The following SCAMP4 variants were observed in gnomAD, a reference collection of about 807,000 sequenced individuals.
SCAMP4 encodes secretory carrier-associated membrane protein 4.
Under a neutral mutation model 32.1 loss-of-function variants are expected in SCAMP4, and 19 were observed. The observed-to-expected ratio is 0.59, with a 90% CI of 0.41 to 0.87. The LOEUF (loss-of-function observed/expected upper bound fraction) is 0.87. SCAMP4 is among the 40% of genes least tolerant of loss of function. SCAMP4 has a pLI of 0.00. For synonymous variants in SCAMP4, 152 were observed against 132.7 expected, an observed-to-expected ratio of 1.15 and a Z score of -1.00; for missense variants, 302 against 309.0, an observed-to-expected ratio of 0.98 and a Z score of 0.17.
intron 5 of SCAMP4, chr19:1,920,108 G>C: frequency 1.0e-6 from 1 of 985,194 alleles, no homozygotes; most frequent in Non-Finnish European, 1.2e-6. Context: ...ACTGTGCCTG[G>C]CCAAATTTGT....
intron 1 of SCAMP4, 57 bp downstream of exon 1, chr19:1,905,496 G>A: frequency 2.3e-6 from 1 of 432,024 alleles, no homozygotes; most frequent in South Asian, 1.6e-5. Flanking sequence ...CCCAGAGGGG[G>A]AGTAGGGGCT....
At chr19:1,922,543 G>A (rs2013952683) in intron 5 of SCAMP4, 1 of 985,390 alleles carries the variant, frequency 1.0e-6, no homozygotes, top group Non-Finnish European at 1.2e-6. Flanking sequence ...CCTCCTCATT[G>A]TTTCTAATGG....
At position 1,918,191 on chromosome 19, in the gene SCAMP4, G is replaced by A. The variant is rs201850584; in HGVS notation, c.201G>A (p.Ser67=). 325 of 1,612,528 alleles carry A rather than the reference G, an allele frequency of 2.0e-4. 2 individuals carry two copies. In the African/African-American group the frequency reaches 3.4e-3, roughly 17 times the overall value. The change falls in exon 4 of 7, where the codon TCG becomes TCA. Residue 67 remains serine (S), a synonymous_variant. Transcript: ENST00000316097. ...TGGCCTGGTGGATCGGCGGAGGCTC[G>A]GGGACCAACTTCGGCCTGGCCTTCG... ...ACLAWWIGGG[S]GTNFGLAFVW...
intron 4 of SCAMP4, 21 bp from the exon 5 acceptor site, chr19:1,918,868 G>T: frequency 6.3e-7 from 1 of 1,587,878 alleles, no homozygotes; most frequent in Non-Finnish European, 8.6e-7. Flanking sequence ...GGTAACCGTC[G>T]TGTTTTCTGT....
intron 1 of SCAMP4, among the ~76,000 whole-genome samples, chr19:1,913,788 A>G (rs1332158301): frequency 2.0e-5 from 3 of 152,256 alleles, no homozygotes; most frequent in African/African-American, 4.8e-5. Context: ...AGTGAGGACT[A>G]GAGCCGTTTT....
intron 5 of SCAMP4, chr19:1,922,568 C>T (rs1180645921): frequency 1.0e-6 from 1 of 985,348 alleles, no homozygotes; most frequent in African/African-American, 1.7e-5. Flanking sequence ...TCAGTGCCCA[C>T]CGGGTGATGG....
intron 5 of SCAMP4, chr19:1,919,619 C>G (rs1189297233): frequency 4.2e-6 from 1 of 240,762 alleles, no homozygotes; most frequent in African/African-American, 2.3e-5. Flanking sequence ...GCCTCAGCCT[C>G]CCGAGTAGCT....
Position 1,924,426 on chromosome 19 carries a change from C to T in SCAMP4, c.*142C>T. On this transcript the variant is annotated 3_prime_UTR_variant, in exon 7 of 7. Coordinates refer to ENST00000316097, the MANE Select transcript of SCAMP4 (RefSeq NM_079834.4). ...AGCCGGTGGTGGCCACGGACCGCCC[C>T]CCTCCTGCCAGGGCCACAGAACCCG... 2 of 686,660 alleles carry T rather than the reference C, an allele frequency of 2.9e-6. No individual in the cohort carries two copies. The highest frequency in any genetic ancestry group is 4.9e-6 in the Non-Finnish European group (2 of 405,148). The allele number at this position is 686,660 out of a possible 1,614,324, so 42.5% of individuals were successfully genotyped here. A position where few individuals can be genotyped will look rare whatever the true frequency, so the allele number is the denominator to read the frequency against.
intron 5 of SCAMP4, chr19:1,919,435 G>T (rs1370795818): frequency 8.1e-6 from 8 of 985,064 alleles, no homozygotes; most frequent in Non-Finnish European, 9.6e-6. Flanking sequence ...ACTCTCTAAG[G>T]CTGCCAGGTG....
At chr19:1,917,580 C>G (rs1176469531) in intron 2 of SCAMP4, 114 bp from the exon 3 acceptor site, 1 of 1,184,762 alleles carries the variant, frequency 8.4e-7, no homozygotes, top group Admixed American at 2.1e-5. Context: ...TCAATCCCAA[C>G]TGCAGAGTCC....
At chr19:1,922,502 T>G (rs1250987392) in intron 5 of SCAMP4, 5 of 979,640 alleles carry the variant, frequency 5.1e-6, no homozygotes, top group Non-Finnish European at 6.1e-6. Context: ...CCCAAAGTGC[T>G]GGGACGACAG....
chr19:1,914,919 T>G (rs1599246760), intron 1 of SCAMP4, 60 bp from the exon 2 acceptor site: 1 of 1,392,976 alleles, frequency 7.2e-7, no homozygotes, highest in Non-Finnish European at 1.0e-6. Flanking sequence ...GGTGGGTGGG[T>G]GGTTAGCGCT....
chr19:1,920,047 G>A (rs2013870080), intron 5 of SCAMP4: 1 of 648,576 alleles, frequency 1.5e-6, no homozygotes, highest in Non-Finnish European at 1.9e-6. Context: ...TCCTAACCTC[G>A]TGATCCACCC....
intron 1 of SCAMP4, chr19:1,912,008 C>T (rs964469513): frequency 2.6e-5 from 37 of 1,415,164 alleles, no homozygotes; most frequent in Non-Finnish European, 3.1e-5. Context: ...CCTCCCGGGA[C>T]GGACTCCCCG....
chr19:1,913,004 C>T (rs1287302543), intron 1 of SCAMP4: 4 of 1,607,898 alleles, frequency 2.5e-6, no homozygotes, highest in Admixed American at 3.3e-5. Flanking sequence ...ACGCACGCAT[C>T]CTGCGCGTCT....
At chr19:1,923,486 C>G (rs996612183) in intron 6 of SCAMP4, among the ~76,000 whole-genome samples, 5 of 152,216 alleles carry the variant, frequency 3.3e-5, no homozygotes, top group Non-Finnish European at 7.3e-5. Flanking sequence ...GCAGGAACAG[C>G]TGAGGCCCTG....
rs182122279 is a variant in SCAMP4 at position 1,916,136 on chromosome 19, G to A, written c.7+1110G>A. Among the ~76,000 whole-genome samples, 750 of 151,832 alleles carry A rather than the reference G, an allele frequency of 4.9e-3. 20 individuals are homozygous for A. Among genetic ancestry groups the A allele is most frequent in the Admixed American group, 0.046 (693 of 15,226 alleles). On this transcript the variant is annotated intron_variant, in intron 2 of 6. Coordinates refer to ENST00000316097, the MANE Select transcript of SCAMP4 (RefSeq NM_079834.4). ...CACCTGTAGTCCCAGCTACTTGGGA[G>A]GCTGAGGCAGGAGAATCGCTTGAAC...
intron 4 of SCAMP4, chr19:1,918,553 G>A (rs915155338): frequency 3.9e-6 from 2 of 513,518 alleles, no homozygotes; most frequent in African/African-American, 3.8e-5. Context: ...CCTGAGGTCA[G>A]GAGTTCAAGA....
chr19:1,912,688 TGGTAGTGGACCCGGCCTCG>T, intron 1 of SCAMP4: 4 of 1,466,868 alleles, frequency 2.7e-6, no homozygotes, highest in Non-Finnish European at 3.6e-6. Context: ...GTGGGGGCCG[TGGTAGTGGACCCGGCCTCG>T]GACCGCGTGC....
Sources: gnomAD v4.1 joint callset for allele counts (sites outside exome capture counted in the v4.1 genomes callset) on GRCh38, gnomAD v4.1.1 for gene constraint, MANE v1.5 for transcripts, NCBI Gene and HGNC (gene_info 2026-07-23, HGNC 2026-07-21) for gene names.